SLC12A7: variants seen among roughly 807,000 people sequenced by gnomAD.
SLC12A7 encodes the protein solute carrier family 12 member 7.
Under a neutral mutation model 120.6 loss-of-function variants are expected in SLC12A7, and 100 were observed. The ratio of observed to expected loss-of-function variants is 0.83; its 90% CI spans 0.71 to 0.98. The LOEUF is 0.98. Ranked by LOEUF, SLC12A7 falls within the 50% of genes least tolerant of loss-of-function variation. SLC12A7 has a pLI of 0.00. For missense variants in SLC12A7, 1,373 were observed against 1,548.1 expected, an observed-to-expected ratio of 0.89 and a Z score of 1.90; for synonymous variants, 760 against 678.0, an observed-to-expected ratio of 1.12 and a Z score of -1.88.
chr5:1,053,281 C>G lies in SLC12A7; in HGVS notation c.3160+68G>C, dbSNP rs2241603. The G allele has an allele frequency of 0.47, 733,767 of 1,556,148 alleles. 178,794 individuals carry two copies. Among genetic ancestry groups the G allele is most frequent in the Non-Finnish European group, 0.5 (576,692 of 1,149,384 alleles). The stretch of plus-strand genomic sequence containing the variant: ...AGCCTCACTCCCAGCACCCACAAAC[C>G]CAGGTCTTAGCGAGAAGCCACCAGG... On this transcript the variant is annotated intron_variant, in intron 23 of 23. Transcript: ENST00000264930.
At chr5:1,075,563 A>C in intron 14 of SLC12A7, 73 bp from the exon 15 acceptor site, 2 of 1,539,998 alleles carry the variant, frequency 1.3e-6, no homozygotes, top group Non-Finnish European at 1.8e-6. Context: ...CACCACACGG[A>C]CACTGCCCCT....
intron 20 of SLC12A7, among the ~76,000 whole-genome samples, chr5:1,060,662 C>CT (rs1467544601): frequency 2.0e-5 from 3 of 152,206 alleles, no homozygotes; most frequent in African/African-American, 7.2e-5. Context: ...CACACACGCT[C>CT]TGCTCATGTC....
intron 5 of SLC12A7, 92 bp from the exon 6 acceptor site, chr5:1,087,125 G>A (rs1394675760): frequency 6.9e-7 from 1 of 1,457,422 alleles, no homozygotes; most frequent in Non-Finnish European, 9.1e-7. Context: ...GGCAAAGGAG[G>A]GCCTGTCTCT....
the SLC12A7 span, among the ~76,000 whole-genome samples, chr5:1,117,300 T>G: frequency 1.3e-5 from 2 of 152,140 alleles, no homozygotes; most frequent in African/African-American, 4.8e-5. This position sits in a 1 kb window ranked among gnomAD's most constrained non-coding sequence, Gnocchi z 4.5. Context: ...AAGCCAAGTT[T>G]GCAAAATTAT....
intron 8 of SLC12A7, among the ~76,000 whole-genome samples, chr5:1,083,221 G>A (rs539235794): frequency 6.5e-4 from 97 of 150,130 alleles, no homozygotes; most frequent in Non-Finnish European, 1.1e-3. Context: ...TTCCTCTCTA[G>A]GGCTCTGGAA....
the SLC12A7 span, among the ~76,000 whole-genome samples, chr5:1,138,789 A>G: frequency 6.6e-6 from 1 of 152,212 alleles, no homozygotes; most frequent in African/African-American, 2.4e-5. Flanking sequence ...GGCTCCAGAG[A>G]GAGGCCCAGG....
chr5:1,068,510 C>T (rs1377120854), intron 17 of SLC12A7, among the ~76,000 whole-genome samples: 2 of 152,240 alleles, frequency 1.3e-5, no homozygotes, highest in Non-Finnish European at 2.9e-5. Context: ...ACTAACATAG[C>T]CACGATGGAG....
the SLC12A7 span, among the ~76,000 whole-genome samples, chr5:1,130,626 C>CAGGTCCCCTCACCTCCTT: frequency 3.1e-4 from 47 of 151,944 alleles, no homozygotes; most frequent in African/African-American, 9.4e-4. Flanking sequence ...AGGGTGGGGG[C>CAGGTCCCCTCACCTCCTT]AGCAGGGAGG....
chr5:1,135,785 AG>A, the SLC12A7 span, among the ~76,000 whole-genome samples: 1 of 152,212 alleles, frequency 6.6e-6, no homozygotes, highest in Non-Finnish European at 1.5e-5. Context: ...GGAACACACC[AG>A]GTCTCTTGCA....
chr5:1,154,707 A>C, the SLC12A7 span, among the ~76,000 whole-genome samples: 4 of 152,326 alleles, frequency 2.6e-5, no homozygotes, highest in East Asian at 7.7e-4. Context: ...TGAACAGGCG[A>C]AACGGACACG....
intron 3 of SLC12A7, 109 bp from the exon 4 acceptor site, chr5:1,089,237 G>T: frequency 1.7e-6 from 2 of 1,180,778 alleles, no homozygotes; most frequent in South Asian, 1.5e-5. Flanking sequence ...GTGGGGGCAG[G>T]AGGGGGCAGG....
intron 1 of SLC12A7, among the ~76,000 whole-genome samples, chr5:1,109,759 C>T (rs1389195949): frequency 6.6e-6 from 1 of 152,272 alleles, no homozygotes; most frequent in Non-Finnish European, 1.5e-5. Flanking sequence ...GCCCACCTGG[C>T]AGTGCCTAGG....
chr5:1,075,880 C>T (rs1738273922), intron 14 of SLC12A7: 3 of 529,916 alleles, frequency 5.7e-6, no homozygotes, highest in Non-Finnish European at 1.0e-5. Context: ...GTACAAGGCA[C>T]ATGCAGACAC....
At chr5:1,154,675 A>G in the SLC12A7 span, among the ~76,000 whole-genome samples, 9 of 152,082 alleles carry the variant, frequency 5.9e-5, no homozygotes, top group African/African-American at 1.9e-4. Flanking sequence ...CTCGCTGTGG[A>G]CTCTCACATG....
chr5:1,077,298 C>T (rs181084360), intron 12 of SLC12A7, among the ~76,000 whole-genome samples: 77 of 152,348 alleles, frequency 5.1e-4, no homozygotes, highest in Admixed American at 9.1e-4. Flanking sequence ...GGACCAGCGA[C>T]GGGCAAGGAT....
At chr5:1,154,139 C>A in the SLC12A7 span, among the ~76,000 whole-genome samples, 1 of 151,040 alleles carries the variant, frequency 6.6e-6, no homozygotes, top group Admixed American at 6.6e-5. Context: ...CCCACAGGAA[C>A]AAGTGTCCCG....
At position 1,076,383 on chromosome 5, in the gene SLC12A7, C is replaced by T. The variant is rs1305090819; in HGVS notation, c.1749-147G>A. The T allele has an allele frequency of 7.2e-6, 5 of 697,922 alleles. No homozygotes were observed. In the Middle Eastern group the frequency reaches 7.4e-4, roughly 104 times the overall value. The allele number at this position is 697,922 out of a possible 1,614,324, so 43.2% of individuals were successfully genotyped here. On this transcript the variant is annotated intron_variant, in intron 13 of 23. Coordinates refer to ENST00000264930, the MANE Select transcript of SLC12A7 (RefSeq NM_006598.3). ...GTCTCTGCACGTGAGCTGACTCAGACTGATTCCGAATCAGGCCCCCTCAGG... is the reference window on the plus strand; with the variant it reads ...GTCTCTGCACGTGAGCTGACTCAGATTGATTCCGAATCAGGCCCCCTCAGG...
chr5:1,079,073 A>AG (rs1738697456), intron 10 of SLC12A7, among the ~76,000 whole-genome samples: 1 of 152,218 alleles, frequency 6.6e-6, no homozygotes, highest in South Asian at 2.1e-4. Context: ...GGCTGGAAAG[A>AG]GGCAGCCTTG....
At chr5:1,121,509 T>C in the SLC12A7 span, among the ~76,000 whole-genome samples, 1 of 152,264 alleles carries the variant, frequency 6.6e-6, no homozygotes, top group African/African-American at 2.4e-5. Flanking sequence ...CCTTTAAGCA[T>C]ATGGCCTCAA....
Sources: allele counts gnomAD v4.1 joint callset (sites outside exome capture counted in the v4.1 genomes callset), GRCh38; gene constraint gnomAD v4.1.1; non-coding constraint Gnocchi (gnomAD v3.1); transcripts MANE v1.5; gene names NCBI Gene and HGNC (gene_info 2026-07-23, HGNC 2026-07-21).